The following ACSBG2 variants were observed in gnomAD, a reference collection of about 807,000 sequenced individuals.
ACSBG2 encodes the protein acyl-CoA synthetase bubblegum family member 2.
A neutral mutation model predicts 74.7 loss-of-function variants in ACSBG2; 62 were observed. The observed-to-expected ratio is 0.83, with a 90% CI of 0.68 to 1.03. The LOEUF (loss-of-function observed/expected upper bound fraction) is 1.03. Ranked by LOEUF, ACSBG2 falls within the 50% of genes least tolerant of loss-of-function variation. The pLI is 0.00. For synonymous variants in ACSBG2, 309 were observed against 294.1 expected (o/e 1.05, Z -0.52); for missense variants, 730 against 817.6 (o/e 0.89, Z 1.31).
chr19:6,148,030 A>G (rs2089107167), intron 3 of ACSBG2, among the ~76,000 whole-genome samples: 1 of 152,260 alleles, frequency 6.6e-6, no homozygotes, highest in South Asian at 2.1e-4. Context: ...CTGCATAACA[A>G]ATTATCCCAA....
intron 3 of ACSBG2, among the ~76,000 whole-genome samples, chr19:6,148,560 A>G (rs2089124724): frequency 6.6e-6 from 1 of 151,900 alleles, no homozygotes; most frequent in African/African-American, 2.4e-5. Flanking sequence ...TGGGAGGATC[A>G]CTTGAGCCTC....
intron 14 of ACSBG2, 83 bp from the exon 15 acceptor site, chr19:6,192,585 T>C (rs189318807): frequency 1.3e-5 from 2 of 152,370 alleles, no homozygotes; most frequent in East Asian, 3.8e-4. Context: ...ATTTTCATCA[T>C]ATGGTGACTG....
intron 4 of ACSBG2, among the ~76,000 whole-genome samples, chr19:6,154,929 T>C (rs957367776): frequency 1.3e-5 from 2 of 152,230 alleles, no homozygotes; most frequent in African/African-American, 4.8e-5. Flanking sequence ...TTGGGTTGTC[T>C]GCTATTTTGT....
At chr19:6,144,679 T>C (rs1426799279) in intron 2 of ACSBG2, among the ~76,000 whole-genome samples, 2 of 152,062 alleles carry the variant, frequency 1.3e-5, no homozygotes, top group Admixed American at 1.3e-4. Context: ...GTCTGTTTTT[T>C]TTGTTGTTTT....
chr19:6,163,121 A>AAATAATAATAAT (rs71917482), intron 6 of ACSBG2, among the ~76,000 whole-genome samples: 9 of 122,848 alleles, frequency 7.3e-5, no homozygotes, highest in Non-Finnish European at 1.4e-4. Flanking sequence ...CTAAAAATAC[A>AAATAATAATAAT]AATAATAATA....
chr19:6,172,429 T>C (rs1398646116), intron 7 of ACSBG2, among the ~76,000 whole-genome samples: 1 of 152,324 alleles, frequency 6.6e-6, no homozygotes, highest in East Asian at 1.9e-4. Flanking sequence ...ATGGCCTTGC[T>C]TCTGAGTGCT....
intron 13 of ACSBG2, chr19:6,189,738 T>G (rs1237880778): frequency 6.6e-6 from 1 of 151,450 alleles, no homozygotes; most frequent in African/African-American, 2.4e-5. Context: ...GAGACGGAGT[T>G]TTACTCTGTC....
At chr19:6,156,118 C>G (rs943369001) in intron 4 of ACSBG2, among the ~76,000 whole-genome samples, 7 of 152,058 alleles carry the variant, frequency 4.6e-5, no homozygotes, top group Non-Finnish European at 8.8e-5. Flanking sequence ...AGTTCAGATC[C>G]TAGGTCTAAC....
intron 7 of ACSBG2, among the ~76,000 whole-genome samples, chr19:6,171,111 T>C (rs1263505535): frequency 2.6e-5 from 4 of 152,140 alleles, no homozygotes; most frequent in Non-Finnish European, 1.5e-5. Flanking sequence ...CTGAGTGTCA[T>C]TACATGTGAG....
intron 3 of ACSBG2, among the ~76,000 whole-genome samples, chr19:6,149,833 C>T (rs2089172369): frequency 7.0e-6 from 1 of 142,830 alleles, no homozygotes; most frequent in Non-Finnish European, 1.5e-5. Context: ...ACCTCGGCCT[C>T]CCAAAGTGCT....
intron 6 of ACSBG2, 65 bp from the exon 7 acceptor site, chr19:6,165,801 G>C: frequency 6.3e-7 from 1 of 1,587,972 alleles, no homozygotes; most frequent in Middle Eastern, 1.7e-4. Context: ...GATAGGACGA[G>C]GTCTGGCTGG....
At chr19:6,138,367 C>A (rs1489964458) in intron 1 of ACSBG2, among the ~76,000 whole-genome samples, 1 of 151,434 alleles carries the variant, frequency 6.6e-6, no homozygotes, top group African/African-American at 2.4e-5. Flanking sequence ...TCTCAGGCTC[C>A]TGGGAGGAAG....
At chr19:6,181,358 A>AAAAG (rs146342042) in intron 8 of ACSBG2, among the ~76,000 whole-genome samples, 12,435 of 151,448 alleles carry the variant, frequency 0.082, 903 homozygotes, top group African/African-American at 0.19. Context: ...GGAAGAAAGA[A>AAAAG]AAAGAAAGAA....
chr19:6,137,799 C>CCGT (rs2088642354), intron 1 of ACSBG2, among the ~76,000 whole-genome samples: 1 of 151,740 alleles, frequency 6.6e-6, no homozygotes, highest in African/African-American at 2.4e-5. Flanking sequence ...AGGTGCCTGC[C>CCGT]GCCGTGCCTG....
rs755138362 is a variant in ACSBG2, at chr19:6,183,194, C to G, written c.1244C>G (p.Pro415Arg). 3.7e-6 allele frequency: 6 copies of G among 1,614,208 alleles called. No individual in the cohort carries two copies. Among genetic ancestry groups the G allele is most frequent in the Non-Finnish European group, 4.2e-6 (5 of 1,180,046 alleles). Residue 415 changes from proline to arginine, a missense_variant, in exon 10 of 15, where the codon CCT (proline) becomes CGT (arginine). Pro to Arg is a moderately radical substitution (Grantham distance 103). Coordinates refer to ENST00000588485, the MANE Select transcript of ACSBG2 (RefSeq NM_030924.5). The stretch of plus-strand genomic sequence containing the variant: ...GAGTTCTTTCTAAGCTTGGACATAC[C>G]TATAGGCGAGTTGTATGGGTTGAGT... ...TAEFFLSLDI[P>R]IGELYGLSES...
At chr19:6,191,860 C>T (rs758897307) in intron 14 of ACSBG2, 5 of 152,206 alleles carry the variant, frequency 3.3e-5, no homozygotes, top group African/African-American at 4.8e-5. Context: ...AGCAGTTCAA[C>T]GTACCACATT....
intron 12 of ACSBG2, 58 bp from the exon 13 acceptor site, chr19:6,187,541 G>A (rs1454095766): frequency 1.9e-6 from 3 of 1,608,396 alleles, no homozygotes; most frequent in South Asian, 1.1e-5. Flanking sequence ...TGGTCTGTGG[G>A]CCTGGGGAGG....
intron 8 of ACSBG2, among the ~76,000 whole-genome samples, chr19:6,181,343 A>C (rs896424410): frequency 1.7e-4 from 26 of 149,818 alleles, no homozygotes; most frequent in Admixed American, 1.5e-3. Context: ...AGAGGAAGGA[A>C]GGAAGGAAGA....
intron 7 of ACSBG2, among the ~76,000 whole-genome samples, chr19:6,173,052 T>C (rs1213854316): frequency 2.6e-5 from 4 of 152,148 alleles, no homozygotes; most frequent in Non-Finnish European, 5.9e-5. Flanking sequence ...CCATGTCTTT[T>C]CCCAGGCATG....
Sources: allele counts gnomAD v4.1 joint callset (sites outside exome capture counted in the v4.1 genomes callset), GRCh38; gene constraint gnomAD v4.1.1; transcripts MANE v1.5; gene names NCBI Gene and HGNC (gene_info 2026-07-23, HGNC 2026-07-21).